FBN2: variants seen among roughly 807,000 people sequenced by gnomAD.
FBN2 encodes the protein fibrillin-2.
Under a neutral mutation model 355.6 loss-of-function variants are expected in FBN2, and 105 were observed. That is an observed-to-expected ratio of 0.30 (90% CI 0.25 to 0.35). FBN2 has a LOEUF of 0.35. FBN2 is among the 10% of genes least tolerant of loss of function. The pLI, the probability that FBN2 is intolerant of heterozygous loss-of-function variation, is 1.00. For missense variants in FBN2, 3,280 were observed against 3,758.7 expected (o/e 0.87, Z 3.33); for synonymous variants, 1,350 against 1,301.2 (o/e 1.04, Z -0.81).
rs552379087 is a variant in FBN2, at chr5:128,364,549, T to G, written c.2428+51A>C. The G allele has an allele frequency of 1.6e-5, 24 of 1,539,906 alleles. No individual in the cohort carries two copies. In the African/African-American group the frequency reaches 3.3e-4, roughly 21 times the overall value. On this transcript the variant is annotated intron_variant, in intron 18 of 64. Coordinates refer to ENST00000262464, the MANE Select transcript of FBN2 (RefSeq NM_001999.4). ...GTGTTTTTAATTCTAATATAATCCATGGGATTAAACTATATGAAATGTTCT... is the reference window on the plus strand; with the variant it reads ...GTGTTTTTAATTCTAATATAATCCAGGGGATTAAACTATATGAAATGTTCT...
chr5:128,299,153 G>A (rs1749632290), intron 48 of FBN2, among the ~76,000 whole-genome samples: 1 of 152,018 alleles, frequency 6.6e-6, no homozygotes, highest in Non-Finnish European at 1.5e-5. Context: ...TCGGGGGTCA[G>A]GGGTCAGGGA....
At chr5:128,514,479 T>C (rs564849048) in intron 5 of FBN2, among the ~76,000 whole-genome samples, 1 of 152,180 alleles carries the variant, frequency 6.6e-6, no homozygotes, top group Non-Finnish European at 1.5e-5. Flanking sequence ...TTCTCATTAA[T>C]AAGAAGTATA....
chr5:128,334,396 C>T (rs1048666571), intron 31 of FBN2, among the ~76,000 whole-genome samples: 3 of 152,080 alleles, frequency 2.0e-5, no homozygotes, highest in African/African-American at 7.2e-5. Flanking sequence ...GTCTTCCAAG[C>T]GGGCAGCAGT....
intron 51 of FBN2, among the ~76,000 whole-genome samples, chr5:128,289,601 A>G (rs996876327): frequency 3.0e-4 from 45 of 152,064 alleles, no homozygotes; most frequent in African/African-American, 1.1e-3. Context: ...AAATAAATAA[A>G]TAAATAAAAT....
intron 5 of FBN2, among the ~76,000 whole-genome samples, chr5:128,466,057 C>T (rs776497040): frequency 2.0e-5 from 3 of 152,092 alleles, no homozygotes; most frequent in East Asian, 1.9e-4. Context: ...TGAAACTTTT[C>T]GATGATCGGT....
At chr5:128,393,027 G>A (rs529999729) in intron 10 of FBN2, 108 bp downstream of exon 10, 2 of 887,280 alleles carry the variant, frequency 2.3e-6, no homozygotes, top group African/African-American at 1.6e-5. Flanking sequence ...ACACACACAT[G>A]TGCAAGTGTG....
intron 4 of FBN2, 146 bp from the exon 5 acceptor site, chr5:128,519,514 T>C (rs1000365309): frequency 4.3e-6 from 3 of 691,944 alleles, no homozygotes; most frequent in Middle Eastern, 2.5e-4. Context: ...ATTACACAGG[T>C]TAAAGTTCAC....
At chr5:128,314,333 A>G (rs953725671) in intron 36 of FBN2, among the ~76,000 whole-genome samples, 1 of 151,850 alleles carries the variant, frequency 6.6e-6, no homozygotes, top group Non-Finnish European at 1.5e-5. Flanking sequence ...TTATTTGTTT[A>G]TTTATTTTTT....
At chr5:128,389,555 C>T (rs1752456673) in intron 11 of FBN2, among the ~76,000 whole-genome samples, 1 of 152,180 alleles carries the variant, frequency 6.6e-6, no homozygotes, top group Non-Finnish European at 1.5e-5. Context: ...GTCCAACAGT[C>T]AACCAAGGCC....
chr5:128,451,753 A>G (rs957342142), intron 6 of FBN2, among the ~76,000 whole-genome samples: 2 of 152,204 alleles, frequency 1.3e-5, no homozygotes, highest in Non-Finnish European at 2.9e-5. Flanking sequence ...AGTGTGGTAT[A>G]AAAGAGCTCT....
At chr5:128,427,638 T>C (rs1440359211) in intron 7 of FBN2, among the ~76,000 whole-genome samples, 1 of 152,258 alleles carries the variant, frequency 6.6e-6, no homozygotes, top group Non-Finnish European at 1.5e-5. Flanking sequence ...GCTCTACCTA[T>C]GGTCTGTAAG....
At chr5:128,519,941 C>T (rs1756386946) in intron 4 of FBN2, among the ~76,000 whole-genome samples, 1 of 151,854 alleles carries the variant, frequency 6.6e-6, no homozygotes, top group South Asian at 2.1e-4. Context: ...GGGGAAAATA[C>T]CATCAACGTT....
intron 8 of FBN2, among the ~76,000 whole-genome samples, chr5:128,395,608 A>C (rs533729838): frequency 6.6e-6 from 1 of 152,344 alleles, no homozygotes; most frequent in African/African-American, 2.4e-5. Context: ...GTAATGCAGC[A>C]ACATCTGACT....
chr5:128,345,221 C>T lies in FBN2; in HGVS notation c.3217+136G>A, dbSNP rs978201645. 1.0e-5 allele frequency: 8 copies of T among 761,998 alleles called. No individual in the cohort carries two copies. The African/African-American group carries it at 1.2e-4, about 11-fold the overall frequency. The allele number at this position is 761,998 out of a possible 1,614,324, so 47.2% of individuals were successfully genotyped here. On this transcript the variant is annotated intron_variant, in intron 24 of 64. Coordinates refer to ENST00000262464, the MANE Select transcript of FBN2 (RefSeq NM_001999.4). The stretch of plus-strand genomic sequence containing the variant: ...GGGGATTTATACTCTTGGGACAGAA[C>T]ATTGGTCACAAAACCTAAGTTTAAC...
chr5:128,313,360 C>A (rs546062468), intron 36 of FBN2, among the ~76,000 whole-genome samples: 1 of 152,132 alleles, frequency 6.6e-6, no homozygotes, highest in Non-Finnish European at 1.5e-5. Context: ...TCATCTCTCC[C>A]GTGAACTCTA....
intron 34 of FBN2, among the ~76,000 whole-genome samples, chr5:128,327,456 T>C (rs1431817464): frequency 2.0e-5 from 3 of 152,164 alleles, no homozygotes; most frequent in East Asian, 3.9e-4. Context: ...TGTGTGTGTA[T>C]ATGTGTGTGT....
intron 53 of FBN2, among the ~76,000 whole-genome samples, chr5:128,287,855 C>A (rs947321051): frequency 1.3e-5 from 2 of 152,008 alleles, no homozygotes; most frequent in African/African-American, 4.8e-5. Flanking sequence ...AGAAAGGGAA[C>A]CCAGGAAAGA....
At chr5:128,292,711 C>T (rs1159726373) in intron 48 of FBN2, among the ~76,000 whole-genome samples, 2 of 152,180 alleles carry the variant, frequency 1.3e-5, no homozygotes, top group Non-Finnish European at 2.9e-5. Context: ...TGCTCCTTGT[C>T]GTGCTCATGC....
At chr5:128,418,927 C>T (rs746163233) in intron 7 of FBN2, among the ~76,000 whole-genome samples, 15 of 152,054 alleles carry the variant, frequency 9.9e-5, no homozygotes, top group Non-Finnish European at 1.6e-4. Flanking sequence ...ATTTACAGAT[C>T]GACTTGGAGA....
Sources: allele counts gnomAD v4.1 joint callset (sites outside exome capture counted in the v4.1 genomes callset), GRCh38; gene constraint gnomAD v4.1.1; transcripts MANE v1.5; gene names NCBI Gene and HGNC (gene_info 2026-07-23, HGNC 2026-07-21).